SGCZ: variants seen among roughly 807,000 people sequenced by gnomAD.
SGCZ encodes the protein sarcoglycan zeta.
SGCZ carries 40 observed loss-of-function variants against 41.3 expected under a neutral mutation model. The ratio of observed to expected loss-of-function variants is 0.97; its 90% confidence interval spans 0.75 to 1.26. The LOEUF (loss-of-function observed/expected upper bound fraction) is 1.26. Among genes scored for constraint, SGCZ ranks in the 50% most tolerant of loss-of-function variants. The probability of loss-of-function intolerance (pLI) is 0.00; values close to 1 mark genes in which losing one functional copy is unlikely to be tolerated. For missense variants in SGCZ, 552 were observed against 369.8 expected (o/e 1.49, Z -4.04); for synonymous variants, 206 against 137.5 (o/e 1.50, Z -3.49).
intron 1 of SGCZ, among the ~76,000 whole-genome samples, chr8:14,798,689 G>A (rs539451603): frequency 6.6e-6 from 1 of 151,244 alleles, no homozygotes; most frequent in South Asian, 2.1e-4. Flanking sequence ...AGTGAAAAAG[G>A]AGTATGAAGT....
chr8:14,502,220 C>T lies in SGCZ; in HGVS notation c.234+52512G>A, dbSNP rs143028147. Among the ~76,000 whole-genome samples, 273 of 151,988 alleles carry T rather than the reference C, an allele frequency of 1.8e-3. 3 individuals are homozygous for T. The highest frequency in any genetic ancestry group is 6.0e-3 in the African/African-American group (249 of 41,496). On this transcript the variant is annotated intron_variant, in intron 2 of 7. Transcript: ENST00000382080. ...CTCAGAAAGATTTCAAATAATTAAGCGGCATCAATACAAAAAAGGATTTTT... is the reference window on the plus strand; with the variant it reads ...CTCAGAAAGATTTCAAATAATTAAGTGGCATCAATACAAAAAAGGATTTTT...
intron 3 of SGCZ, among the ~76,000 whole-genome samples, chr8:14,258,616 G>A (rs1799547741): frequency 6.6e-6 from 1 of 152,096 alleles, no homozygotes; most frequent in Non-Finnish European, 1.5e-5. Context: ...TCTATATATT[G>A]TGATACTGAG....
At chr8:15,133,425 C>G (rs760727506) in intron 1 of SGCZ, among the ~76,000 whole-genome samples, 1 of 152,088 alleles carries the variant, frequency 6.6e-6, no homozygotes, top group Non-Finnish European at 1.5e-5. Flanking sequence ...ATTTCATAGC[C>G]CTCAGTGAAA....
At chr8:14,495,018 G>C (rs2117038315) in intron 2 of SGCZ, among the ~76,000 whole-genome samples, 1 of 152,230 alleles carries the variant, frequency 6.6e-6, no homozygotes, top group East Asian at 1.9e-4. Flanking sequence ...GTTTGCCATA[G>C]GTTTCTGGAG....
rs1459383405 is a variant in SGCZ at position 14,089,363 on chromosome 8, C to A, written c.*1080G>T. On this transcript the variant is annotated 3_prime_UTR_variant, in exon 8 of 8. Coordinates refer to ENST00000382080, the MANE Select transcript of SGCZ (RefSeq NM_139167.4). Reference sequence around the variant, plus strand: ...AGAAATTTTAGTTAGCTTCTGACTTCTTTAAATCTTAACCTCCAATAAAAA... The same window carrying A: ...AGAAATTTTAGTTAGCTTCTGACTTATTTAAATCTTAACCTCCAATAAAAA... 6.6e-6 allele frequency among the ~76,000 whole-genome samples: 1 copy of A among 151,910 alleles called. No homozygotes were observed. Among genetic ancestry groups the A allele is most frequent in the Non-Finnish European group, 1.5e-5 (1 of 67,904 alleles).
rs184400515 is a variant in SGCZ at position 14,866,908 on chromosome 8, T to G, written c.40-311982A>C. 8.9e-4 allele frequency among the ~76,000 whole-genome samples: 135 copies of G among 152,294 alleles called. 2 individuals are homozygous for G. Among genetic ancestry groups the G allele is most frequent in the African/African-American group, 3.2e-3 (132 of 41,584 alleles). The stretch of plus-strand genomic sequence containing the variant: ...ATAAAGCAGGAAAGCCTCAGAATGT[T>G]GCCTTAAAGTTGGAGTTTCTGAGAG... On this transcript the variant is annotated intron_variant, in intron 1 of 7. Transcript: ENST00000382080.
Position 14,791,616 on chromosome 8 carries a change from A to G in SGCZ, c.40-236690T>C, listed in dbSNP as rs755548543. ...TCCCCAATTTTTACATTACAATATA[A>G]CCAAGCGTACAGCTCAAGGCAAACT... On this transcript the variant is annotated intron_variant, in intron 1 of 7. Coordinates refer to ENST00000382080, the MANE Select transcript of SGCZ (RefSeq NM_139167.4). Among the ~76,000 whole-genome samples the G allele has an allele frequency of 3.1e-4, 47 of 152,298 alleles. 1 individual carries two copies. The highest frequency in any genetic ancestry group is 1.2e-3 in the Admixed American group (18 of 15,294).
At chr8:14,995,300 G>T (rs1802176552) in intron 1 of SGCZ, among the ~76,000 whole-genome samples, 1 of 152,248 alleles carries the variant, frequency 6.6e-6, no homozygotes, top group Non-Finnish European at 1.5e-5. Flanking sequence ...GAATGAAGAA[G>T]TGTGGGGATG....
chr8:14,999,708 A>C (rs1585455594), intron 1 of SGCZ, among the ~76,000 whole-genome samples: 1 of 152,308 alleles, frequency 6.6e-6, no homozygotes, highest in South Asian at 2.1e-4. Flanking sequence ...TCATAGCCTA[A>C]CAATCTTCAG....
At chr8:14,391,582 G>C (rs1034230462) in intron 2 of SGCZ, among the ~76,000 whole-genome samples, 4 of 152,082 alleles carry the variant, frequency 2.6e-5, no homozygotes, top group African/African-American at 4.8e-5. Flanking sequence ...TATTGGACAA[G>C]GCACCAGTTA....
intron 1 of SGCZ, among the ~76,000 whole-genome samples, chr8:14,707,764 C>T (rs1019640282): frequency 6.6e-6 from 1 of 152,134 alleles, no homozygotes; most frequent in African/African-American, 2.4e-5. Flanking sequence ...TCTGGCTAGC[C>T]TTGGACCATG....
intron 1 of SGCZ, among the ~76,000 whole-genome samples, chr8:15,034,535 G>C (rs1421679306): frequency 6.6e-6 from 1 of 152,098 alleles, no homozygotes; most frequent in African/African-American, 2.4e-5. Context: ...GAGGTAGAAA[G>C]AATATTTGAA....
chr8:15,041,304 T>C (rs1171569713), intron 1 of SGCZ, among the ~76,000 whole-genome samples: 2 of 151,986 alleles, frequency 1.3e-5, no homozygotes, highest in Admixed American at 6.6e-5. Context: ...CTTGTTTACA[T>C]ATTTCAAATA....
At chr8:14,376,974 A>T (rs1265163063) in intron 2 of SGCZ, among the ~76,000 whole-genome samples, 1 of 152,134 alleles carries the variant, frequency 6.6e-6, no homozygotes, top group Admixed American at 6.5e-5. Flanking sequence ...AGCCCTCTGA[A>T]TTTCCTGATT....
chr8:14,357,007 T>C lies in SGCZ; in HGVS notation c.235-32803A>G, dbSNP rs574304584. 5.9e-5 allele frequency among the ~76,000 whole-genome samples: 9 copies of C among 152,086 alleles called. No individual in the cohort carries two copies. The South Asian group carries it at 1.9e-3, about 32-fold the overall frequency. On this transcript the variant is annotated intron_variant, in intron 2 of 7. Transcript: ENST00000382080. ...AATAGTAAAATATGGGCCAACAAAG[T>C]GATAAATGAGAAGCAATATAATTAT...
At chr8:14,111,437 C>G (rs1366972800) in intron 5 of SGCZ, among the ~76,000 whole-genome samples, 2 of 151,810 alleles carry the variant, frequency 1.3e-5, no homozygotes, top group Non-Finnish European at 2.9e-5. Context: ...GCTCTAGAAA[C>G]CATAGAAACA....
Position 15,237,748 on chromosome 8 carries a change from C to T in SGCZ, c.-125G>A. The T allele has an allele frequency of 1.1e-6, 1 of 931,286 alleles. No homozygotes were observed. Among genetic ancestry groups the T allele is most frequent in the Non-Finnish European group, 1.7e-6 (1 of 599,374 alleles). 57.7% of individuals were successfully genotyped at this position (931,286 alleles called of 1,614,324 possible). On this transcript the variant is annotated 5_prime_UTR_variant, in exon 1 of 8. The change abolishes an upstream ATG in the 5' untranslated region. Transcript: ENST00000382080. ...AAGCCCCGGCAGCTCCTCTCAGTCT[C>T]ATTCTCCGTGGTCACGCCGCCTCCA... is the stretch of plus-strand genomic sequence containing the variant.
At chr8:15,055,813 TC>T (rs1478219922) in intron 1 of SGCZ, among the ~76,000 whole-genome samples, 3 of 152,192 alleles carry the variant, frequency 2.0e-5, no homozygotes, top group Admixed American at 1.3e-4. Flanking sequence ...TGCATTTTCA[TC>T]CACGAACCCA....
At chr8:14,944,102 C>T (rs961949438) in intron 1 of SGCZ, among the ~76,000 whole-genome samples, 4 of 152,082 alleles carry the variant, frequency 2.6e-5, no homozygotes, top group South Asian at 2.1e-4. Context: ...AATAATTCAA[C>T]GTCTAACTTA....
Sources: allele counts gnomAD v4.1 joint callset (sites outside exome capture counted in the v4.1 genomes callset), GRCh38; gene constraint gnomAD v4.1.1; transcripts MANE v1.5; gene names NCBI Gene and HGNC (gene_info 2026-07-23, HGNC 2026-07-21).